KLC1: variants seen among roughly 807,000 people sequenced by gnomAD.
The protein encoded by KLC1 is kinesin light chain 1.
A neutral mutation model predicts 84.2 loss-of-function variants in KLC1; 30 were observed. The ratio of observed to expected loss-of-function variants is 0.36; its 90% CI spans 0.27 to 0.48. KLC1 has a LOEUF of 0.48. Ranked by LOEUF, KLC1 falls within the 20% of genes least tolerant of loss-of-function variation. The pLI, the probability that KLC1 is intolerant of heterozygous loss-of-function variation, is 0.99. For missense variants in KLC1, 499 were observed against 805.4 expected (o/e 0.62, Z 4.60); for synonymous variants, 289 against 293.3 (o/e 0.99, Z 0.15).
At chr14:103,678,930 T>TA in intron 12 of KLC1, among the ~76,000 whole-genome samples, 1 of 152,280 alleles carries the variant, frequency 6.6e-6, no homozygotes, top group Middle Eastern at 3.4e-3. Flanking sequence ...CACAGTGAGA[T>TA]ACTACCTCAT....
chr14:103,654,878 A>G, intron 2 of KLC1, 53 bp downstream of exon 2: 1 of 1,560,066 alleles, frequency 6.4e-7, no homozygotes, highest in Non-Finnish European at 8.7e-7. Flanking sequence ...GGTAAAATGG[A>G]GACTTGTTTG....
chr14:103,645,799 C>G (rs1176975480), intron 1 of KLC1, among the ~76,000 whole-genome samples: 4 of 150,924 alleles, frequency 2.7e-5, no homozygotes, highest in Non-Finnish European at 5.9e-5. Flanking sequence ...GCTCTGTTGC[C>G]CAGGCTGGAG....
In KLC1 at chr14:103,674,419, CT is replaced by C. The variant is rs71460691; in HGVS notation, c.1261+1000del. Among the ~76,000 whole-genome samples the C allele has an allele frequency of 4.7e-3, 693 of 146,694 alleles. 9 individuals are homozygous for C. The highest frequency in any genetic ancestry group is 0.016 in the African/African-American group (627 of 39,948). On this transcript the variant is annotated intron_variant, in intron 9 of 16. Transcript: ENST00000334553. The stretch of plus-strand genomic sequence containing the variant: ...GAATATTGATTCGTATGCTTGTTTT[CT>C]TTTTTTTTTTTGAGGTGGAATTTCG...
intron 15 of KLC1, chr14:103,696,261 C>T (rs1280223876): frequency 1.0e-6 from 1 of 985,268 alleles, no homozygotes; most frequent in Non-Finnish European, 1.2e-6. Context: ...GGATGCTTCC[C>T]TGAAGCAGCA....
chr14:103,675,478 C>G, intron 9 of KLC1, 74 bp from the exon 10 acceptor site: 1 of 1,268,988 alleles, frequency 7.9e-7, no homozygotes, highest in South Asian at 1.3e-5. Context: ...AAAGGAAATT[C>G]CCCTTAGAGC....
At chr14:103,665,350 G>A (rs115993276) in intron 5 of KLC1, among the ~76,000 whole-genome samples, 2,453 of 151,656 alleles carry the variant, frequency 0.016, 65 homozygotes, top group African/African-American at 0.056. Context: ...GAGGTACCAC[G>A]CCTGGCCAGG....
At chr14:103,696,250 T>G in intron 15 of KLC1, 2 of 985,358 alleles carry the variant, frequency 2.0e-6, no homozygotes, top group Non-Finnish European at 2.4e-6. Context: ...TCCTGTGACA[T>G]GGATGCTTCC....
At chr14:103,692,599 C>A (rs1479312334) in intron 15 of KLC1, among the ~76,000 whole-genome samples, 174 bp downstream of exon 15, 2 of 152,174 alleles carry the variant, frequency 1.3e-5, no homozygotes, top group African/African-American at 4.8e-5. Flanking sequence ...TTCTGCTTAA[C>A]CACTGATTAT....
chr14:103,652,301 C>G (rs1405984586), intron 1 of KLC1, among the ~76,000 whole-genome samples: 2 of 152,076 alleles, frequency 1.3e-5, no homozygotes, highest in African/African-American at 4.8e-5. Context: ...ACTCATTTTA[C>G]AAATGTGTAT....
At chr14:103,639,297 A>C (rs1357684916) in intron 1 of KLC1, among the ~76,000 whole-genome samples, 1 of 151,672 alleles carries the variant, frequency 6.6e-6, no homozygotes, top group Non-Finnish European at 1.5e-5. Flanking sequence ...CGCCTAGCTA[A>C]TTTTTATATT....
chr14:103,694,675 C>T lies in KLC1; in HGVS notation c.1848+2250C>T, dbSNP rs1045676105. The T allele has an allele frequency of 1.0e-5, 10 of 985,320 alleles. No homozygotes were observed. The highest frequency in any genetic ancestry group is 3.5e-5 in the African/African-American group (2 of 57,238). 61.0% of individuals were successfully genotyped at this position (985,320 alleles called of 1,614,324 possible). A position where few individuals can be genotyped will look rare whatever the true frequency, so the allele number is the denominator to read the frequency against. On this transcript the variant is annotated intron_variant, in intron 15 of 16. Coordinates refer to ENST00000334553, the MANE Select transcript of KLC1 (RefSeq NM_001394837.1). The surrounding 1 kb of genome is among the most constrained non-coding windows in gnomAD (Gnocchi z 4.5). ...CCAACTAGGCTACGGGATGGAGGGG[C>T]GGTCTGTGAAACACCAGCCATCCCG...
At position 103,699,329 on chromosome 14, in the gene KLC1, C is replaced by A. The variant is rs201759596; in HGVS notation, c.1849-1326C>A. On this transcript the variant is annotated intron_variant, in intron 15 of 16. Transcript: ENST00000334553. ...TGCTTCCGCATCCTGGCTAAAAATA[C>A]GAGCTCAGGGGTGCAACCCTGCCTT... is the stretch of plus-strand genomic sequence containing the variant. 5.7e-6 allele frequency: 9 copies of A among 1,566,426 alleles called. No homozygotes were observed. The South Asian group carries it at 8.1e-5, about 14-fold the overall frequency.
chr14:103,644,290 C>T (rs1397240866), intron 1 of KLC1, among the ~76,000 whole-genome samples: 12 of 148,142 alleles, frequency 8.1e-5, no homozygotes, highest in African/African-American at 2.7e-4. Flanking sequence ...GATGGAATCT[C>T]GCTTTGTCGC....
At chr14:103,682,145 C>G (rs1390374292) in intron 13 of KLC1, among the ~76,000 whole-genome samples, 1 of 151,982 alleles carries the variant, frequency 6.6e-6, no homozygotes, top group Non-Finnish European at 1.5e-5. Context: ...CTGAGGCGGG[C>G]AGATCACGAG....
chr14:103,640,759 A>G (rs2077427179), intron 1 of KLC1, among the ~76,000 whole-genome samples: 1 of 151,754 alleles, frequency 6.6e-6, no homozygotes, highest in Admixed American at 6.6e-5. Context: ...TTGAAAATAA[A>G]CTTTTAATTT....
chr14:103,678,445 G>C (rs549728048), intron 12 of KLC1, among the ~76,000 whole-genome samples: 74 of 152,328 alleles, frequency 4.9e-4, no homozygotes, highest in South Asian at 2.5e-3. Flanking sequence ...TGCACGTTGG[G>C]AGGCTGAGGT....
intron 15 of KLC1, chr14:103,696,658 G>A: frequency 2.0e-6 from 2 of 985,510 alleles, no homozygotes; most frequent in Non-Finnish European, 2.4e-6. Context: ...GTGTGCAGCG[G>A]GGCCAGCTGT....
At chr14:103,678,563 G>A (rs1314799946) in intron 12 of KLC1, among the ~76,000 whole-genome samples, 2 of 151,822 alleles carry the variant, frequency 1.3e-5, no homozygotes, top group Non-Finnish European at 2.9e-5. Flanking sequence ...GTTGGCCCAA[G>A]CCTGTGGTCC....
At chr14:103,698,757 C>A (rs370272845) in intron 15 of KLC1, 1 of 1,545,490 alleles carries the variant, frequency 6.5e-7, no homozygotes, top group South Asian at 1.2e-5. Context: ...CCCCGTGTGT[C>A]GGGGCTTCTC....
Sources: allele counts gnomAD v4.1 joint callset (sites outside exome capture counted in the v4.1 genomes callset), GRCh38; gene constraint gnomAD v4.1.1; non-coding constraint Gnocchi (gnomAD v3.1); transcripts MANE v1.5; gene names NCBI Gene and HGNC (gene_info 2026-07-23, HGNC 2026-07-21).